The following PDZRN3 variants were observed in gnomAD, a reference collection of about 807,000 sequenced individuals.
PDZRN3 encodes PDZ domain containing ring finger 3, also known as E3 ubiquitin-protein ligase PDZRN3.
PDZRN3 carries 38 observed loss-of-function variants against 85.7 expected under a neutral mutation model. The observed-to-expected ratio is 0.44, with a 90% CI of 0.34 to 0.58. The LOEUF (loss-of-function observed/expected upper bound fraction) is 0.58. PDZRN3 is among the 20% of genes least tolerant of loss of function. The pLI is 0.01. For synonymous variants in PDZRN3, 759 were observed against 638.0 expected (o/e 1.19, Z -2.86); for missense variants, 1,629 against 1,506.4 (o/e 1.08, Z -1.35).
At position 73,404,143 on chromosome 3, in the gene PDZRN3, C is replaced by T; in HGVS notation, c.1166+5G>A. The stretch of plus-strand genomic sequence containing the variant: ...GCATTAGGGGTTCAAGATTAGGTTA[C>T]TTACTCCTCTGGCAAGAGATAGGGA... On this transcript the variant is annotated splice_donor_5th_base_variant and intron_variant, in intron 4 of 9. Coordinates refer to ENST00000263666, the MANE Select transcript of PDZRN3 (RefSeq NM_015009.3). 1 of 1,612,860 alleles carries T rather than the reference C, an allele frequency of 6.2e-7. No individual in the cohort carries two copies. Among genetic ancestry groups the T allele is most frequent in the Non-Finnish European group, 8.5e-7 (1 of 1,179,150 alleles).
intron 3 of PDZRN3, among the ~76,000 whole-genome samples, chr3:73,596,151 G>C (rs561872569): frequency 6.6e-6 from 1 of 152,232 alleles, no homozygotes. Flanking sequence ...GCCTGAAAGA[G>C]CTCCATTGGG....
rs1053024180 is a variant in PDZRN3 at position 73,425,484 on chromosome 3, C to A, written c.919-21089G>T. Among the ~76,000 whole-genome samples, 4 of 152,022 alleles carry A rather than the reference C, an allele frequency of 2.6e-5. 1 individual carries two copies. The highest frequency in any genetic ancestry group is 5.9e-5 in the Non-Finnish European group (4 of 68,016). On this transcript the variant is annotated intron_variant, in intron 3 of 9. Coordinates refer to ENST00000263666, the MANE Select transcript of PDZRN3 (RefSeq NM_015009.3). ...GCCAGTTCAAGTTTGAGAACCACTG[C>A]CCTAGCGGAATTTTTCTACCTTGTG... is the stretch of plus-strand genomic sequence containing the variant.
intron 3 of PDZRN3, among the ~76,000 whole-genome samples, chr3:73,503,093 T>C (rs1369040413): frequency 1.3e-5 from 2 of 152,226 alleles, no homozygotes; most frequent in Non-Finnish European, 2.9e-5. Context: ...ATCTCAATGC[T>C]TTCTTGATTT....
Position 73,487,473 on chromosome 3 carries a change from C to T in PDZRN3, c.919-83078G>A, listed in dbSNP as rs181025823. ...GCTGTCTTTGCTTTTCTATGTTTTCCGAGGGGTGGACTAATCAGTTCATTA... is the reference window on the plus strand; with the variant it reads ...GCTGTCTTTGCTTTTCTATGTTTTCTGAGGGGTGGACTAATCAGTTCATTA... On this transcript the variant is annotated intron_variant, in intron 3 of 9. Coordinates refer to ENST00000263666, the MANE Select transcript of PDZRN3 (RefSeq NM_015009.3). Among the ~76,000 whole-genome samples the T allele has an allele frequency of 8.5e-5, 13 of 152,132 alleles. No homozygotes were observed. The East Asian group carries it at 1.7e-3, about 20-fold the overall frequency.
intron 3 of PDZRN3, among the ~76,000 whole-genome samples, chr3:73,472,000 C>T (rs1386378140): frequency 6.6e-6 from 1 of 150,434 alleles, no homozygotes; most frequent in Non-Finnish European, 1.5e-5. Context: ...ACCAACAAAG[C>T]CTTTTCTCAA....
At chr3:73,466,886 G>C (rs1322632616) in intron 3 of PDZRN3, among the ~76,000 whole-genome samples, 1 of 152,168 alleles carries the variant, frequency 6.6e-6, no homozygotes, top group Non-Finnish European at 1.5e-5. Context: ...AGCAGAGCAA[G>C]GATTTGTGTT....
At chr3:73,520,796 T>C (rs536542439) in intron 3 of PDZRN3, among the ~76,000 whole-genome samples, 1 of 152,088 alleles carries the variant, frequency 6.6e-6, no homozygotes, top group African/African-American at 2.4e-5. Context: ...GGGAGGTAGT[T>C]TGAGGAAGAA....
chr3:73,553,420 C>CA (rs1233565721), intron 3 of PDZRN3, among the ~76,000 whole-genome samples: 1 of 151,780 alleles, frequency 6.6e-6, no homozygotes, highest in Non-Finnish European at 1.5e-5. Flanking sequence ...CTAAAAAATA[C>CA]AAAAAATTAG....
intron 3 of PDZRN3, among the ~76,000 whole-genome samples, chr3:73,522,638 T>C (rs1218860090): frequency 1.3e-5 from 2 of 152,206 alleles, no homozygotes; most frequent in African/African-American, 2.4e-5. Context: ...TGCAATAATT[T>C]TCCTCTTTGT....
intron 3 of PDZRN3, among the ~76,000 whole-genome samples, chr3:73,409,366 G>A (rs956202509): frequency 1.3e-5 from 2 of 152,164 alleles, no homozygotes; most frequent in African/African-American, 4.8e-5. Context: ...TTTTCCAGTT[G>A]GTCCTGAGAA....
Position 73,416,885 on chromosome 3 carries a change from T to G in PDZRN3, c.919-12490A>C, listed in dbSNP as rs9798909. Among the ~76,000 whole-genome samples, 12 of 137,590 alleles carry G rather than the reference T, an allele frequency of 8.7e-5. No homozygotes were observed. The East Asian group carries it at 1.2e-3, about 14-fold the overall frequency. 90.3% of individuals were successfully genotyped at this position (137,590 alleles called of 152,430 possible). Reference sequence around the variant, plus strand: ...TGTTTGTTTTTTTTTGGTTTTTTTTTTTTTTTTTTTTTTTTTTTTTTTTTG... The same window carrying G: ...TGTTTGTTTTTTTTTGGTTTTTTTTGTTTTTTTTTTTTTTTTTTTTTTTTG... On this transcript the variant is annotated intron_variant, in intron 3 of 9. Transcript: ENST00000263666.
At chr3:73,571,815 G>A (rs535327935) in intron 3 of PDZRN3, among the ~76,000 whole-genome samples, 1 of 152,300 alleles carries the variant, frequency 6.6e-6, no homozygotes, top group East Asian at 1.9e-4. Flanking sequence ...CAGTGAGATG[G>A]AAGCTGGTGT....
intron 3 of PDZRN3, among the ~76,000 whole-genome samples, chr3:73,601,903 G>C (rs182148602): frequency 2.0e-5 from 3 of 152,190 alleles, no homozygotes; most frequent in Admixed American, 2.0e-4. Flanking sequence ...AACTAACAGA[G>C]AGAACAATGC....
rs1703731286 is a variant in PDZRN3 at position 73,489,575 on chromosome 3, C to CTTTTTTTTTTTCT, written c.919-85181_919-85180insAGAAAAAAAAAAA. Among the ~76,000 whole-genome samples, 2 of 80,096 alleles carry CTTTTTTTTTTTCT rather than the reference C, an allele frequency of 2.5e-5. 1 individual carries two copies. The highest frequency in any genetic ancestry group is 9.6e-5 in the African/African-American group (2 of 20,764). The allele number at this position is 80,096 out of a possible 152,430, so 52.5% of individuals were successfully genotyped here. On this transcript the variant is annotated intron_variant, in intron 3 of 9. Coordinates refer to ENST00000263666, the MANE Select transcript of PDZRN3 (RefSeq NM_015009.3). Reference sequence around the variant, plus strand: ...GCCATGCATATGGGCAGTTTCTTTTCTTTTTTTTTTTTTTTGAGATGGAGT... The same window carrying CTTTTTTTTTTTCT: ...GCCATGCATATGGGCAGTTTCTTTTCTTTTTTTTTTTCTTTTTTTTTTTTTTTTGAGATGGAGT...
chr3:73,400,888 G>T, intron 5 of PDZRN3, 34 bp downstream of exon 5: 2 of 1,414,962 alleles, frequency 1.4e-6, no homozygotes, highest in South Asian at 1.1e-5. Context: ...TCTTAATAAT[G>T]ACTCCTAAAA....
chr3:73,384,822 C>G lies in PDZRN3; in HGVS notation c.1744G>C (p.Glu582Gln). The change falls in exon 10 of 10, where the codon GAG (glutamate) becomes CAG (glutamine). Residue 582 changes from glutamate to glutamine, a missense_variant. Coordinates refer to ENST00000263666, the MANE Select transcript of PDZRN3 (RefSeq NM_015009.3). ...CCATTGTTCTCTTGCTCCGAGCTCT[C>G]GTCATTACGGGTGCTCTCGTCGGTC... ...GRTDESTRND[E>Q]SSEQENNGDD... 1 of 1,614,090 alleles carries G rather than the reference C, an allele frequency of 6.2e-7. No homozygotes were observed. The highest frequency in any genetic ancestry group is 8.5e-7 in the Non-Finnish European group (1 of 1,180,030).
chr3:73,403,042 C>T (rs1701785267), intron 4 of PDZRN3, among the ~76,000 whole-genome samples: 1 of 151,186 alleles, frequency 6.6e-6, no homozygotes, highest in Non-Finnish European at 1.5e-5. Flanking sequence ...CTCCCGGGTT[C>T]ACGCCATTCT....
chr3:73,433,789 G>GT, intron 3 of PDZRN3: 1 of 1,519,878 alleles, frequency 6.6e-7, no homozygotes, highest in East Asian at 2.5e-5. Flanking sequence ...GGCATTGAAG[G>GT]TATCCTTGGA....
intron 3 of PDZRN3, among the ~76,000 whole-genome samples, chr3:73,547,158 T>C (rs549961927): frequency 1.1e-3 from 169 of 152,244 alleles, no homozygotes; most frequent in African/African-American, 1.5e-3. Flanking sequence ...CATCCTAGGA[T>C]AGAGGAGAAA....
Sources: allele counts gnomAD v4.1 joint callset (sites outside exome capture counted in the v4.1 genomes callset), GRCh38; gene constraint gnomAD v4.1.1; transcripts MANE v1.5; gene names NCBI Gene and HGNC (gene_info 2026-07-23, HGNC 2026-07-21).